LRRC37A2: variants seen among roughly 807,000 people sequenced by gnomAD.
The protein encoded by LRRC37A2 is leucine-rich repeat-containing protein 37A2.
A neutral mutation model predicts 68.8 loss-of-function variants in LRRC37A2; 9 were observed. The observed-to-expected ratio is 0.13, with a 90% CI of 0.08 to 0.23. LRRC37A2 has a LOEUF of 0.23. Ranked by LOEUF, LRRC37A2 falls within the 10% of genes least tolerant of loss-of-function variation. LRRC37A2 has a pLI of 1.00. For missense variants in LRRC37A2, 168 were observed against 950.4 expected (o/e 0.18, Z 10.82); for synonymous variants, 63 against 367.6 (o/e 0.17, Z 9.48).
the LRRC37A2 span, chr17:46,939,689 C>G: frequency 4.1e-6 from 4 of 985,318 alleles, no homozygotes; most frequent in Non-Finnish European, 3.6e-6. Flanking sequence ...CCTCATTTTG[C>G]CCAGCCAGTG....
chr17:46,903,927 G>A, the LRRC37A2 span, among the ~76,000 whole-genome samples: 21 of 151,918 alleles, frequency 1.4e-4, no homozygotes, highest in African/African-American at 5.1e-4. Flanking sequence ...TGGGTGGTCG[G>A]GTAGATAGGT....
chr17:46,985,900 G>T, the LRRC37A2 span, among the ~76,000 whole-genome samples: 3 of 152,200 alleles, frequency 2.0e-5, no homozygotes, highest in Non-Finnish European at 2.9e-5. Context: ...AAGACAGTGA[G>T]GAGCCAAAGG....
the LRRC37A2 span, among the ~76,000 whole-genome samples, chr17:46,884,094 C>T: frequency 2.0e-5 from 3 of 152,138 alleles, no homozygotes; most frequent in Non-Finnish European, 4.4e-5. Flanking sequence ...CCTGCCCCCA[C>T]GTCTCAACAA....
chr17:47,019,907 C>G, the LRRC37A2 span: 10 of 725,298 alleles, frequency 1.4e-5, no homozygotes, highest in African/African-American at 1.8e-4. Context: ...ATATGGACAA[C>G]TGACTTTCTG....
At chr17:46,998,087 A>T in the LRRC37A2 span, among the ~76,000 whole-genome samples, 2 of 152,206 alleles carry the variant, frequency 1.3e-5, no homozygotes, top group South Asian at 4.1e-4. Flanking sequence ...TTGGATCTTG[A>T]TTTAATCAAA....
At chr17:46,985,010 A>C in the LRRC37A2 span, among the ~76,000 whole-genome samples, 1 of 152,184 alleles carries the variant, frequency 6.6e-6, no homozygotes, top group Non-Finnish European at 1.5e-5. Flanking sequence ...TTTGTTTGGC[A>C]CGCTTTTCCT....
At chr17:46,811,133 G>A in the LRRC37A2 span, among the ~76,000 whole-genome samples, 1 of 100,854 alleles carries the variant, frequency 9.9e-6, no homozygotes, top group Non-Finnish European at 2.6e-5. Flanking sequence ...CAGATAAATC[G>A]ACACTACTGG....
At chr17:46,950,459 T>C in the LRRC37A2 span, among the ~76,000 whole-genome samples, 1 of 152,172 alleles carries the variant, frequency 6.6e-6, no homozygotes, top group Non-Finnish European at 1.5e-5. Flanking sequence ...AAGCCCATAC[T>C]ACAAATTGCT....
the LRRC37A2 span, among the ~76,000 whole-genome samples, chr17:47,001,807 C>T: frequency 9.4e-5 from 14 of 148,266 alleles, no homozygotes; most frequent in African/African-American, 3.0e-4. Context: ...CTGCAACCTC[C>T]GCCTCCCAGG....
the LRRC37A2 span, among the ~76,000 whole-genome samples, chr17:46,835,943 C>T: frequency 6.6e-6 from 1 of 152,192 alleles, no homozygotes; most frequent in Non-Finnish European, 1.5e-5. Context: ...TGGTGGGGCT[C>T]CTCAGAGGTG....
chr17:46,990,165 T>A, the LRRC37A2 span, among the ~76,000 whole-genome samples: 102 of 152,246 alleles, frequency 6.7e-4, no homozygotes, highest in African/African-American at 2.4e-3. Flanking sequence ...AGTGGAAAGA[T>A]AGAGAAAACC....
chr17:46,987,444 G>A, the LRRC37A2 span, among the ~76,000 whole-genome samples: 2 of 151,876 alleles, frequency 1.3e-5, no homozygotes, highest in Admixed American at 6.6e-5. Flanking sequence ...CTCTTTTTTC[G>A]CATTAAAAAA....
chr17:46,890,018 A>G, the LRRC37A2 span, among the ~76,000 whole-genome samples: 2 of 152,210 alleles, frequency 1.3e-5, no homozygotes, highest in African/African-American at 4.8e-5. Flanking sequence ...CGCAAGTATC[A>G]TCCTGAGCAG....
chr17:46,743,548 C>T, the LRRC37A2 span, among the ~76,000 whole-genome samples: 1 of 152,210 alleles, frequency 6.6e-6, no homozygotes, highest in Non-Finnish European at 1.5e-5. Flanking sequence ...GTGATGGGGC[C>T]TCTACTTCTG....
the LRRC37A2 span, among the ~76,000 whole-genome samples, chr17:46,848,901 T>A: frequency 6.6e-5 from 10 of 151,918 alleles, no homozygotes; most frequent in East Asian, 1.9e-3. Context: ...TTAGTGAGAT[T>A]GTGAGCCAGG....
the LRRC37A2 span, among the ~76,000 whole-genome samples, chr17:46,728,471 T>G: frequency 6.6e-6 from 1 of 151,944 alleles, no homozygotes; most frequent in Non-Finnish European, 1.5e-5. Flanking sequence ...TTCAAAAAAT[T>G]TATAGAGCCG....
At chr17:46,969,950 G>C in the LRRC37A2 span, among the ~76,000 whole-genome samples, 9 of 152,086 alleles carry the variant, frequency 5.9e-5, no homozygotes, top group Non-Finnish European at 1.3e-4. Context: ...TGTGCGGGGT[G>C]GGGGAACAAA....
At chr17:46,718,704 A>G in the LRRC37A2 span, among the ~76,000 whole-genome samples, 1 of 152,166 alleles carries the variant, frequency 6.6e-6, no homozygotes, top group East Asian at 1.9e-4. Flanking sequence ...CATTTAACCT[A>G]TAAGCCACTG....
chr17:46,661,578 ATTGT>A, the LRRC37A2 span, among the ~76,000 whole-genome samples: 1 of 41,544 alleles, frequency 2.4e-5, no homozygotes, highest in African/African-American at 1.0e-4. Context: ...TGTTTGTTTG[ATTGT>A]TTGTTTGTTT....
Sources: allele counts gnomAD v4.1 joint callset (sites outside exome capture counted in the v4.1 genomes callset), GRCh38; gene constraint gnomAD v4.1.1; transcripts MANE v1.5; gene names NCBI Gene and HGNC (gene_info 2026-07-23, HGNC 2026-07-21).